The following DCAF10 variants were observed in gnomAD, a reference collection of about 807,000 sequenced individuals.
DCAF10 encodes DDB1 and CUL4 associated factor 10.
A neutral mutation model predicts 51.9 loss-of-function variants in DCAF10; 19 were observed. The ratio of observed to expected loss-of-function variants is 0.37; its 90% CI spans 0.26 to 0.54. The LOEUF is 0.54. Ranked by LOEUF, DCAF10 falls within the 20% of genes least tolerant of loss-of-function variation. DCAF10 has a pLI of 0.87. For missense variants in DCAF10, 510 were observed against 730.6 expected (o/e 0.70, Z 3.48); for synonymous variants, 291 against 297.1 (o/e 0.98, Z 0.21).
chr9:37,831,640 A>C (rs1830009835), intron 2 of DCAF10, among the ~76,000 whole-genome samples: 1 of 152,242 alleles, frequency 6.6e-6, no homozygotes, highest in Admixed American at 6.5e-5. Context: ...AAAATAAAAA[A>C]ATAAAAAACA....
intron 2 of DCAF10, among the ~76,000 whole-genome samples, chr9:37,838,207 C>T (rs10973578): frequency 6.6e-6 from 1 of 152,020 alleles, no homozygotes; most frequent in East Asian, 1.9e-4. Context: ...GGAACATGAA[C>T]AGCAAAGAAA....
intron 1 of DCAF10, among the ~76,000 whole-genome samples, chr9:37,814,055 T>G (rs1280260109): frequency 7.7e-6 from 1 of 130,688 alleles, no homozygotes; most frequent in Non-Finnish European, 1.6e-5. Flanking sequence ...AGAGTGCAAT[T>G]GAACCACTTT....
At chr9:37,805,616 A>G (rs1829090388) in intron 1 of DCAF10, among the ~76,000 whole-genome samples, 1 of 152,204 alleles carries the variant, frequency 6.6e-6, no homozygotes, top group Admixed American at 6.5e-5. Context: ...GAAAGATTAT[A>G]ATTTCCAGAC....
intron 3 of DCAF10, among the ~76,000 whole-genome samples, chr9:37,853,881 T>G (rs1308026392): frequency 1.3e-5 from 2 of 152,242 alleles, no homozygotes; most frequent in Admixed American, 6.5e-5. Context: ...CTGATCATTC[T>G]TATTGGCATC....
At chr9:37,807,271 C>T (rs1194288849) in intron 1 of DCAF10, among the ~76,000 whole-genome samples, 3 of 151,960 alleles carry the variant, frequency 2.0e-5, no homozygotes, top group Admixed American at 6.6e-5. Context: ...TGCTTGAGCT[C>T]GAGTTCAAGA....
At chr9:37,817,585 G>A (rs1169819506) in intron 1 of DCAF10, among the ~76,000 whole-genome samples, 4 of 150,678 alleles carry the variant, frequency 2.7e-5, no homozygotes, top group South Asian at 2.1e-4. Context: ...GTGATAGAGC[G>A]AGACTTCGTC....
At chr9:37,820,450 A>T (rs1829669061) in intron 2 of DCAF10, among the ~76,000 whole-genome samples, 1 of 152,204 alleles carries the variant, frequency 6.6e-6, no homozygotes, top group Non-Finnish European at 1.5e-5. Context: ...CACTACATGA[A>T]GTCCGGGGTT....
chr9:37,837,919 G>C lies in DCAF10; in HGVS notation c.654-4170G>C, dbSNP rs146542058. ...TGTGCCCATAGTCCCAGCTACTCAG[G>C]AGGCTGAGACAAGGAGGGTTGCTTG... On this transcript the variant is annotated intron_variant, in intron 2 of 6. Transcript: ENST00000377724. Among the ~76,000 whole-genome samples the C allele has an allele frequency of 5.0e-3, 757 of 152,096 alleles. 2 individuals are homozygous for C. Among genetic ancestry groups the C allele is most frequent in the Non-Finnish European group, 8.9e-3 (606 of 68,012 alleles).
At chr9:37,855,066 T>G in intron 4 of DCAF10, 84 bp downstream of exon 4, 1 of 1,325,916 alleles carries the variant, frequency 7.5e-7, no homozygotes, top group Non-Finnish European at 1.0e-6. Flanking sequence ...CTGAAAATGA[T>G]AGCAGGAAAA....
chr9:37,824,306 G>A (rs10973569), intron 2 of DCAF10, among the ~76,000 whole-genome samples: 6,595 of 152,086 alleles, frequency 0.043, 488 homozygotes, highest in African/African-American at 0.15. Flanking sequence ...TTGTATGCAC[G>A]GGGGAGTTTT....
chr9:37,813,136 T>C (rs189320395), intron 1 of DCAF10, among the ~76,000 whole-genome samples: 11 of 152,316 alleles, frequency 7.2e-5, no homozygotes, highest in Non-Finnish European at 1.3e-4. Context: ...GATCTTGCAC[T>C]GTTGCCCAGG....
chr9:37,849,039 C>T (rs1040587193), intron 3 of DCAF10, among the ~76,000 whole-genome samples: 2 of 149,802 alleles, frequency 1.3e-5, no homozygotes, highest in South Asian at 2.1e-4. Flanking sequence ...GTAAGTTATA[C>T]CTCAATGAAA....
chr9:37,837,457 CAAAA>C (rs555983041), intron 2 of DCAF10, among the ~76,000 whole-genome samples: 27,410 of 85,668 alleles, frequency 0.32, 2,803 homozygotes, highest in African/African-American at 0.41. Flanking sequence ...GACTCCATCT[CAAAA>C]AAAAAAAAAA....
At chr9:37,855,822 C>T (rs1291885839) in intron 4 of DCAF10, among the ~76,000 whole-genome samples, 2 of 152,078 alleles carry the variant, frequency 1.3e-5, no homozygotes, top group African/African-American at 4.8e-5. Context: ...CAAGGGTAGC[C>T]TGGGCAACAT....
chr9:37,831,225 AG>A (rs1041685675), intron 2 of DCAF10, among the ~76,000 whole-genome samples: 14 of 152,122 alleles, frequency 9.2e-5, no homozygotes, highest in Admixed American at 2.0e-4. Context: ...TCAAAAAAAA[AG>A]AAAGTTTTGA....
rs150799059 is a variant in DCAF10, at chr9:37,817,353, C to A, written c.540-1935C>A. Among the ~76,000 whole-genome samples the A allele has an allele frequency of 9.0e-3, 1,363 of 152,134 alleles. 22 individuals carry two copies. The highest frequency in any genetic ancestry group is 0.031 in the African/African-American group (1,303 of 41,482). On this transcript the variant is annotated intron_variant, in intron 1 of 6. Transcript: ENST00000377724. ...TGTGTGGTGGCTCACACCTATAATC[C>A]CAGCAATTTGGGAGGCTGAGGCAGG...
intron 1 of DCAF10, among the ~76,000 whole-genome samples, chr9:37,805,392 G>GA (rs1829081120): frequency 6.6e-6 from 1 of 152,174 alleles, no homozygotes. Flanking sequence ...GCTGAGGCAG[G>GA]AAAATCACTT....
chr9:37,857,166 G>T, intron 4 of DCAF10, 75 bp from the exon 5 acceptor site: 1 of 1,167,316 alleles, frequency 8.6e-7, no homozygotes, highest in Non-Finnish European at 1.2e-6. Flanking sequence ...TATGGTTCGA[G>T]TAGATAATTA....
At position 37,860,197 on chromosome 9, in the gene DCAF10, C is replaced by T. The variant is rs987148060; in HGVS notation, c.1311+4C>T. 3 of 1,613,862 alleles carry T rather than the reference C, an allele frequency of 1.9e-6. No homozygotes were observed. The highest frequency in any genetic ancestry group is 1.3e-5 in the African/African-American group (1 of 74,902). Reference sequence around the variant, plus strand: ...AAGCAACAGTGATGATGAGGAGGTACAGGCAGCAGCACTCCACCTTCAACA... The same window carrying T: ...AAGCAACAGTGATGATGAGGAGGTATAGGCAGCAGCACTCCACCTTCAACA... On this transcript the variant is annotated splice_donor_region_variant and intron_variant, in intron 6 of 6. Coordinates refer to ENST00000377724, the MANE Select transcript of DCAF10 (RefSeq NM_024345.5).
Sources: gnomAD v4.1 joint callset for allele counts (sites outside exome capture counted in the v4.1 genomes callset) on GRCh38, gnomAD v4.1.1 for gene constraint, MANE v1.5 for transcripts, NCBI Gene and HGNC (gene_info 2026-07-23, HGNC 2026-07-21) for gene names.